Variants in TBC1D22A observed in about 807,000 individuals in gnomAD.
TBC1D22A encodes TBC1 domain family member 22A.
A neutral mutation model predicts 60.2 loss-of-function variants in TBC1D22A; 38 were observed. The ratio of observed to expected loss-of-function variants is 0.63; its 90% CI spans 0.49 to 0.83. The LOEUF (loss-of-function observed/expected upper bound fraction) is 0.83. Ranked by LOEUF, TBC1D22A falls within the 40% of genes least tolerant of loss-of-function variation. The pLI is 0.00. For synonymous variants in TBC1D22A, 302 were observed against 281.7 expected, an observed-to-expected ratio of 1.07 and a Z score of -0.72; for missense variants, 628 against 701.0, an observed-to-expected ratio of 0.90 and a Z score of 1.18.
intron 4 of TBC1D22A, 80 bp from the exon 5 acceptor site, chr22:46,878,573 G>A (rs1165144328): frequency 8.4e-7 from 1 of 1,186,788 alleles, no homozygotes; most frequent in Non-Finnish European, 1.3e-6. Context: ...AATTAAACAG[G>A]TGGAATGTGT....
At chr22:46,962,419 C>T (rs1024978174) in intron 8 of TBC1D22A, among the ~76,000 whole-genome samples, 1 of 152,236 alleles carries the variant, frequency 6.6e-6, no homozygotes, top group Non-Finnish European at 1.5e-5. Context: ...GTAGAATAAA[C>T]TTCCAACATG....
intron 11 of TBC1D22A, among the ~76,000 whole-genome samples, chr22:47,093,890 A>G (rs1235580709): frequency 6.6e-6 from 1 of 152,232 alleles, no homozygotes; most frequent in South Asian, 2.1e-4. Context: ...CAGAAAGCCA[A>G]TCCCCAAGAC....
intron 8 of TBC1D22A, among the ~76,000 whole-genome samples, chr22:46,943,499 G>T (rs1172798375): frequency 1.3e-5 from 2 of 152,230 alleles, no homozygotes. Context: ...GGTCCGCCAG[G>T]ACTGGAGCAT....
At chr22:47,089,153 T>C (rs955412953) in intron 11 of TBC1D22A, among the ~76,000 whole-genome samples, 3 of 152,154 alleles carry the variant, frequency 2.0e-5, no homozygotes, top group African/African-American at 7.2e-5. Flanking sequence ...ATTTGGAGAC[T>C]GATGAGAACA....
intron 12 of TBC1D22A, among the ~76,000 whole-genome samples, chr22:47,133,031 T>TA (rs1366443611): frequency 6.6e-6 from 1 of 152,184 alleles, no homozygotes; most frequent in African/African-American, 2.4e-5. Context: ...CTCATTGAGA[T>TA]ATGGAAAAAA....
At chr22:46,917,994 G>A (rs531751732) in intron 8 of TBC1D22A, among the ~76,000 whole-genome samples, 1 of 152,310 alleles carries the variant, frequency 6.6e-6, no homozygotes, top group Admixed American at 6.5e-5. Context: ...AGATCCAGAC[G>A]CTGCCCCTGA....
intron 7 of TBC1D22A, among the ~76,000 whole-genome samples, chr22:46,907,378 G>A (rs550403479): frequency 2.0e-5 from 3 of 152,184 alleles, no homozygotes; most frequent in African/African-American, 7.2e-5. Context: ...ACTGGTTGAC[G>A]TTTGAAGTGC....
chr22:46,927,784 C>G (rs2071132594), intron 8 of TBC1D22A, among the ~76,000 whole-genome samples: 1 of 152,118 alleles, frequency 6.6e-6, no homozygotes, highest in South Asian at 2.1e-4. Context: ...TTTTCATGCA[C>G]TTGCAATGAA....
chr22:46,797,367 G>T (rs2084699113), intron 3 of TBC1D22A, 77 bp from the exon 4 acceptor site: 2 of 1,540,872 alleles, frequency 1.3e-6, no homozygotes, highest in Non-Finnish European at 1.8e-6. Context: ...TTCACAAAGG[G>T]ACAGTGGCAC....
intron 11 of TBC1D22A, among the ~76,000 whole-genome samples, chr22:47,045,219 G>A (rs1420088379): frequency 1.3e-5 from 2 of 152,194 alleles, no homozygotes; most frequent in African/African-American, 2.4e-5. Flanking sequence ...CTGTGGCTGC[G>A]TGGCACCTGG....
intron 9 of TBC1D22A, among the ~76,000 whole-genome samples, chr22:46,982,486 T>G (rs1602793120): frequency 6.6e-6 from 1 of 152,244 alleles, no homozygotes; most frequent in African/African-American, 2.4e-5. Context: ...CCTCCCAAAG[T>G]GCTGGGATTA....
chr22:46,822,748 T>C (rs1023274951), intron 4 of TBC1D22A, among the ~76,000 whole-genome samples: 67 of 152,142 alleles, frequency 4.4e-4, no homozygotes, highest in African/African-American at 1.6e-3. Flanking sequence ...AGGACCCGCT[T>C]AATGAAGCAC....
At chr22:47,127,651 G>A (rs890508794) in intron 12 of TBC1D22A, among the ~76,000 whole-genome samples, 4 of 152,068 alleles carry the variant, frequency 2.6e-5, no homozygotes, top group East Asian at 1.9e-4. Context: ...AGGCGGCCCC[G>A]TTCCTGTGTG....
At chr22:46,980,901 GAAT>G (rs1210765336) in intron 9 of TBC1D22A, among the ~76,000 whole-genome samples, 1 of 152,232 alleles carries the variant, frequency 6.6e-6, no homozygotes, top group Non-Finnish European at 1.5e-5. Flanking sequence ...GAAAAAAGTA[GAAT>G]AATGTGTCTC....
At chr22:46,869,671 G>C (rs989207820) in intron 4 of TBC1D22A, among the ~76,000 whole-genome samples, 1 of 152,238 alleles carries the variant, frequency 6.6e-6, no homozygotes, top group Non-Finnish European at 1.5e-5. Flanking sequence ...GTGACACTCA[G>C]CGTTTAGCCT....
chr22:47,012,595 C>A (rs1193837857), intron 10 of TBC1D22A, among the ~76,000 whole-genome samples: 1 of 152,158 alleles, frequency 6.6e-6, no homozygotes, highest in Middle Eastern at 3.2e-3. Flanking sequence ...TGCTGCCTTC[C>A]CGGCTCTTCC....
intron 4 of TBC1D22A, among the ~76,000 whole-genome samples, chr22:46,847,531 C>A (rs962729254): frequency 6.6e-5 from 10 of 152,374 alleles, no homozygotes; most frequent in African/African-American, 2.4e-4. Flanking sequence ...TGCCTTTCTT[C>A]TATCCCTTCT....
At chr22:46,901,879 T>C (rs1260105426) in intron 7 of TBC1D22A, among the ~76,000 whole-genome samples, 1 of 152,284 alleles carries the variant, frequency 6.6e-6, no homozygotes, top group Non-Finnish European at 1.5e-5. Flanking sequence ...GCGCTTTGTA[T>C]ACCGTGATGT....
At chr22:46,947,339 C>T (rs992267886) in intron 8 of TBC1D22A, among the ~76,000 whole-genome samples, 13 of 151,898 alleles carry the variant, frequency 8.6e-5, no homozygotes, top group Admixed American at 2.0e-4. Context: ...CAGGGTCATC[C>T]GAGTAGAGCC....
Sources: gnomAD v4.1 joint callset for allele counts (sites outside exome capture counted in the v4.1 genomes callset) on GRCh38, gnomAD v4.1.1 for gene constraint, MANE v1.5 for transcripts, NCBI Gene and HGNC (gene_info 2026-07-23, HGNC 2026-07-21) for gene names.